Variants in DSCAML1 observed in about 807,000 individuals in gnomAD.
The protein encoded by DSCAML1 is cell adhesion molecule DSCAML1.
DSCAML1 carries 38 observed loss-of-function variants against 200.5 expected under a neutral mutation model. The ratio of observed to expected loss-of-function variants is 0.19; its 90% CI spans 0.15 to 0.25. The LOEUF (loss-of-function observed/expected upper bound fraction) is 0.25, where lower values mean the gene tolerates loss of function less well. Among genes scored for constraint, DSCAML1 ranks in the 10% least tolerant of loss-of-function variants. The pLI, the probability that DSCAML1 is intolerant of heterozygous loss-of-function variation, is 1.00. For missense variants in DSCAML1, 2,223 were observed against 2,858.8 expected (o/e 0.78, Z 5.07); for synonymous variants, 1,215 against 1,165.0 (o/e 1.04, Z -0.87).
At chr11:117,795,351 C>T (rs1432784400) in intron 1 of DSCAML1, among the ~76,000 whole-genome samples, 2 of 152,112 alleles carry the variant, frequency 1.3e-5, no homozygotes, top group East Asian at 3.9e-4. Context: ...AGCCGCTCCT[C>T]ACCTTATGTA....
chr11:117,715,850 C>T (rs2053943845), intron 3 of DSCAML1, among the ~76,000 whole-genome samples: 1 of 152,178 alleles, frequency 6.6e-6, no homozygotes, highest in African/African-American at 2.4e-5. Flanking sequence ...TGTGGTTTAA[C>T]CATATATAAC....
chr11:117,813,617 A>G (rs2055778250), intron 1 of DSCAML1, among the ~76,000 whole-genome samples: 2 of 152,174 alleles, frequency 1.3e-5, no homozygotes, highest in Admixed American at 1.3e-4. Context: ...TATTCCATTT[A>G]GTTTTTCAAT....
At chr11:117,728,169 A>T (rs1290246933) in intron 3 of DSCAML1, among the ~76,000 whole-genome samples, 2 of 152,260 alleles carry the variant, frequency 1.3e-5, no homozygotes, top group African/African-American at 4.8e-5. Context: ...CATAGAATAA[A>T]GGACAAAACC....
At chr11:117,445,181 T>C (rs1351921458) in intron 20 of DSCAML1, among the ~76,000 whole-genome samples, 2 of 152,182 alleles carry the variant, frequency 1.3e-5, no homozygotes, top group African/African-American at 4.8e-5. Context: ...CAATAACTTA[T>C]AACAGGAGGA....
Position 117,428,686 on chromosome 11 carries a change from C to G in DSCAML1, c.5804G>C (p.Arg1935Pro), listed in dbSNP as rs764639033. ...PREASIRNLA[R>P]TYHTQARHLT... ...GTGGCGAGCCTGGGTGTGGTAGGTT[C>G]GAGCCAGGTTCCGGATGGAGGCCTC... The change falls in exon 33 of 33, where the codon CGA (arginine) becomes CCA (proline). Residue 1935 changes from arginine to proline, a missense_variant. By Grantham distance (103) the Arg-to-Pro change is moderately radical. Around this residue, in one of 7 missense-constraint regions of DSCAML1, gnomAD observed 280 missense variants for 213.4 expected, o/e 1.31. Coordinates refer to ENST00000651296, the MANE Select transcript of DSCAML1 (RefSeq NM_020693.4). 6.2e-7 allele frequency: 1 copy of G among 1,612,612 alleles called. No individual in the cohort carries two copies. The highest frequency in any genetic ancestry group is 1.3e-5 in the African/African-American group (1 of 74,862).
chr11:117,703,730 C>T (rs1032782483), intron 3 of DSCAML1, among the ~76,000 whole-genome samples: 2 of 152,364 alleles, frequency 1.3e-5, no homozygotes, highest in Middle Eastern at 3.4e-3. Context: ...CCCCACAAGA[C>T]TGTGGGTGCC....
chr11:117,644,922 C>T (rs1345257049), intron 3 of DSCAML1, among the ~76,000 whole-genome samples: 1 of 152,230 alleles, frequency 6.6e-6, no homozygotes, highest in Non-Finnish European at 1.5e-5. Context: ...TCAAACAGCT[C>T]AGGAAAGAAA....
intron 3 of DSCAML1, among the ~76,000 whole-genome samples, chr11:117,571,092 T>C (rs749245651): frequency 7.2e-5 from 11 of 152,246 alleles, no homozygotes; most frequent in Non-Finnish European, 1.3e-4. Context: ...AACCTCATTA[T>C]GGAGACGAGC....
chr11:117,572,976 T>A (rs1462721896), intron 3 of DSCAML1, among the ~76,000 whole-genome samples: 1 of 152,128 alleles, frequency 6.6e-6, no homozygotes, highest in Non-Finnish European at 1.5e-5. Context: ...ATGGCCCTAA[T>A]GGTGATAATG....
chr11:117,697,621 C>T (rs2053606167), intron 3 of DSCAML1, among the ~76,000 whole-genome samples: 1 of 152,082 alleles, frequency 6.6e-6, no homozygotes, highest in Admixed American at 6.5e-5. Context: ...CCCTTGGCAA[C>T]CACCCTTCTA....
At chr11:117,543,613 TG>T (rs758744182) in intron 3 of DSCAML1, among the ~76,000 whole-genome samples, 1 of 152,178 alleles carries the variant, frequency 6.6e-6, no homozygotes, top group Non-Finnish European at 1.5e-5. Context: ...TTTGGAGGTT[TG>T]AGACCTGCCA....
intron 3 of DSCAML1, among the ~76,000 whole-genome samples, chr11:117,542,327 C>CAACA (rs11432643): frequency 0.062 from 8,045 of 129,858 alleles, 371 homozygotes; most frequent in South Asian, 0.24. Flanking sequence ...CAAAACAAAA[C>CAACA]ACAAAAACAA....
chr11:117,512,888 G>A (rs1010664365), intron 8 of DSCAML1, among the ~76,000 whole-genome samples: 3 of 151,642 alleles, frequency 2.0e-5, no homozygotes, highest in Admixed American at 6.6e-5. Context: ...CCAGCGAGTC[G>A]CCGAGACGGA....
chr11:117,771,029 AG>A (rs2055029090), intron 3 of DSCAML1, among the ~76,000 whole-genome samples: 1 of 152,152 alleles, frequency 6.6e-6, no homozygotes, highest in South Asian at 2.1e-4. Flanking sequence ...ATAAATGCAG[AG>A]GCTGAATGAC....
At chr11:117,743,703 C>T (rs1196470724) in intron 3 of DSCAML1, among the ~76,000 whole-genome samples, 1 of 152,234 alleles carries the variant, frequency 6.6e-6, no homozygotes, top group Non-Finnish European at 1.5e-5. Context: ...AACGCTCTCT[C>T]ATTTAATTTA....
chr11:117,770,012 G>T (rs913868338), intron 3 of DSCAML1, among the ~76,000 whole-genome samples: 2 of 151,948 alleles, frequency 1.3e-5, no homozygotes, highest in African/African-American at 4.8e-5. Context: ...TTGCCCATTT[G>T]CCTGTGCCTG....
intron 3 of DSCAML1, among the ~76,000 whole-genome samples, chr11:117,648,043 C>A (rs2052552459): frequency 6.6e-6 from 1 of 152,208 alleles, no homozygotes; most frequent in South Asian, 2.1e-4. Context: ...TCGTGCCAGT[C>A]AGCCCTGCAT....
chr11:117,610,161 G>A (rs2051659267), intron 3 of DSCAML1, among the ~76,000 whole-genome samples: 1 of 152,190 alleles, frequency 6.6e-6, no homozygotes, highest in Non-Finnish European at 1.5e-5. Flanking sequence ...AATTGTGACT[G>A]CTTCCAATGG....
chr11:117,562,024 G>A (rs928908184), intron 3 of DSCAML1, among the ~76,000 whole-genome samples: 1 of 152,224 alleles, frequency 6.6e-6, no homozygotes, highest in Admixed American at 6.5e-5. Context: ...GGAAGCAGGG[G>A]CAGGGAGGAG....
Sources: gnomAD v4.1 joint callset for allele counts (sites outside exome capture counted in the v4.1 genomes callset) on GRCh38, gnomAD v4.1.1 for gene constraint, gnomAD v4.1.1 regional missense constraint, MANE v1.5 for transcripts, NCBI Gene and HGNC (gene_info 2026-07-23, HGNC 2026-07-21) for gene names.